BROX: variants seen among roughly 807,000 people sequenced by gnomAD.
BROX encodes BRO1 domain and CAAX motif containing.
BROX carries 53 observed loss-of-function variants against 61.0 expected under a neutral mutation model. The ratio of observed to expected loss-of-function variants is 0.87; its 90% CI spans 0.70 to 1.09. The LOEUF is 1.09. BROX is among the 50% of genes least tolerant of loss of function. BROX has a pLI of 0.00. For synonymous variants in BROX, 152 were observed against 160.2 expected, an observed-to-expected ratio of 0.95 and a Z score of 0.38; for missense variants, 489 against 472.0, an observed-to-expected ratio of 1.04 and a Z score of -0.33.
chr1:222,729,554 C>G, intron 9 of BROX, 66 bp from the exon 10 acceptor site: 2 of 1,250,386 alleles, frequency 1.6e-6, no homozygotes, highest in East Asian at 2.4e-5. Flanking sequence ...CTGATAGATA[C>G]ATAAAACAAT....
At chr1:222,727,740 G>C (rs1657613001) in intron 8 of BROX, among the ~76,000 whole-genome samples, 1 of 152,130 alleles carries the variant, frequency 6.6e-6, no homozygotes, top group Non-Finnish European at 1.5e-5. Context: ...CTGCAGTTTA[G>C]GGAAGAAGAC....
At position 222,734,224 on chromosome 1, in the gene BROX, T is replaced by C. The variant is rs1322864611; in HGVS notation, c.*1510T>C. The C allele has an allele frequency of 1.3e-5, 2 of 152,210 alleles. No individual in the cohort carries two copies. Among genetic ancestry groups the C allele is most frequent in the Non-Finnish European group, 2.9e-5 (2 of 68,028 alleles). 9.4% of individuals were successfully genotyped at this position (152,210 alleles called of 1,614,324 possible). A position where few individuals can be genotyped will look rare whatever the true frequency, so the allele number is the denominator to read the frequency against. ...ATTATAAGTGACAGATTGACTCACT[T>C]AATATAAATAAGTAGCATACACTAA... On this transcript the variant is annotated 3_prime_UTR_variant, in exon 13 of 13. Coordinates refer to ENST00000340934, the MANE Select transcript of BROX (RefSeq NM_144695.4).
Position 222,712,665 on chromosome 1 carries a change from A to G in BROX, c.-294A>G, listed in dbSNP as rs938837239. ...TCTGGGAAAAAGACCATAGCTCAAAAGGAAGGCCGAGGGAGAAGTTAGAAA... is the reference window on the plus strand; with the variant it reads ...TCTGGGAAAAAGACCATAGCTCAAAGGGAAGGCCGAGGGAGAAGTTAGAAA... On this transcript the variant is annotated 5_prime_UTR_variant, in exon 1 of 13. Coordinates refer to ENST00000340934, the MANE Select transcript of BROX (RefSeq NM_144695.4). 5 of 1,298,394 alleles carry G rather than the reference A, an allele frequency of 3.9e-6. No homozygotes were observed. Among genetic ancestry groups the G allele is most frequent in the East Asian group, 1.0e-4 (2 of 19,418 alleles). 80.4% of individuals were successfully genotyped at this position (1,298,394 alleles called of 1,614,324 possible).
rs1317416536 is a variant in BROX at position 222,735,080 on chromosome 1, A to G, written c.*2366A>G. On this transcript the variant is annotated 3_prime_UTR_variant, in exon 13 of 13. Transcript: ENST00000340934. The stretch of plus-strand genomic sequence containing the variant: ...AGAGAGGTGTAACTGTTTGTTAACT[A>G]TTACATGGATTTCATACTAGGCAGT... 3 of 152,222 alleles carry G rather than the reference A, an allele frequency of 2.0e-5. No individual in the cohort carries two copies. Among genetic ancestry groups the G allele is most frequent in the African/African-American group, 4.8e-5 (2 of 41,460 alleles). The allele number at this position is 152,222 out of a possible 1,614,324, so 9.4% of individuals were successfully genotyped here.
rs778411296 is a variant in BROX, at chr1:222,731,432, T to G, written c.1065T>G (p.Pro355=). ...KANYGLVEPI[P]FEFPPTSVQW... ...ATTATGGTCTCGTAGAGCCTATACC[T>G]TTCGAATTTCCTCCTACAAGTGTTC... The change falls in exon 12 of 13, where the codon CCT becomes CCG. Residue 355 remains proline (P), a synonymous_variant. Coordinates refer to ENST00000340934, the MANE Select transcript of BROX (RefSeq NM_144695.4). 2.5e-6 allele frequency: 4 copies of G among 1,602,542 alleles called. No individual in the cohort carries two copies. The highest frequency in any genetic ancestry group is 3.4e-6 in the Non-Finnish European group (4 of 1,177,120).
At chr1:222,726,834 A>G (rs1657537460) in intron 7 of BROX, among the ~76,000 whole-genome samples, 1 of 152,178 alleles carries the variant, frequency 6.6e-6, no homozygotes, top group South Asian at 2.1e-4. Context: ...GCAGTAAGCC[A>G]TGATCAAGCC....
intron 5 of BROX, among the ~76,000 whole-genome samples, chr1:222,723,845 A>C (rs572500459): frequency 9.2e-5 from 14 of 152,230 alleles, no homozygotes; most frequent in African/African-American, 3.1e-4. Context: ...TACCCAGCTA[A>C]TTAGGGTTTT....
At chr1:222,714,206 C>A (rs1200729474) in intron 1 of BROX, among the ~76,000 whole-genome samples, 1 of 146,286 alleles carries the variant, frequency 6.8e-6, no homozygotes, top group Non-Finnish European at 1.5e-5. Flanking sequence ...ACAAGACATG[C>A]TGCTTTTTTT....
chr1:222,728,702 CAG>C, intron 8 of BROX, 39 bp from the exon 9 acceptor site: 2 of 1,348,502 alleles, frequency 1.5e-6, no homozygotes, highest in Non-Finnish European at 2.1e-6. Context: ...TCTAGTGAAT[CAG>C]GGCGAAATTA....
Position 222,715,751 on chromosome 1 carries a change from T to C in BROX, c.52T>C (p.Phe18Leu). 1 of 1,598,114 alleles carries C rather than the reference T, an allele frequency of 6.3e-7. No homozygotes were observed. Among genetic ancestry groups the C allele is most frequent in the Non-Finnish European group, 8.5e-7 (1 of 1,171,002 alleles). ...NPLKATAPVS[F>L]NYYGVVTGPS... Reference sequence around the variant, plus strand: ...ATTAAAAGCCACAGCTCCTGTGTCTTTTAATTACTATGGTGTAGTCACTGG... The same window carrying C: ...ATTAAAAGCCACAGCTCCTGTGTCTCTTAATTACTATGGTGTAGTCACTGG... Residue 18 changes from phenylalanine to leucine, a missense_variant, in exon 2 of 13, where the codon TTT (phenylalanine) becomes CTT (leucine). Transcript: ENST00000340934.
intron 6 of BROX, among the ~76,000 whole-genome samples, chr1:222,724,914 C>T (rs1657391005): frequency 6.6e-6 from 1 of 152,112 alleles, no homozygotes. Flanking sequence ...CTGCCTCAGC[C>T]TCCCGAGTAG....
At position 222,712,926 on chromosome 1, in the gene BROX, C is replaced by G. The variant is rs745381030; in HGVS notation, c.-33C>G. 1 of 1,194,176 alleles carries G rather than the reference C, an allele frequency of 8.4e-7. No homozygotes were observed. Among genetic ancestry groups the G allele is most frequent in the Non-Finnish European group, 1.1e-6 (1 of 939,656 alleles). The allele number at this position is 1,194,176 out of a possible 1,614,324, so 74.0% of individuals were successfully genotyped here. A position where few individuals can be genotyped will look rare whatever the true frequency, so the allele number is the denominator to read the frequency against. ...TCTTCCCTTAGAAGAACTGCTGAAC[C>G]GACTCTGAGAAATTTGGTAAGTATG... On this transcript the variant is annotated 5_prime_UTR_variant, in exon 1 of 13. Transcript: ENST00000340934.
intron 8 of BROX, among the ~76,000 whole-genome samples, chr1:222,728,365 G>A (rs1657668429): frequency 6.6e-6 from 1 of 152,074 alleles, no homozygotes; most frequent in African/African-American, 2.4e-5. Context: ...AGAGAGGAGA[G>A]TATCCTATTT....
At position 222,734,097 on chromosome 1, in the gene BROX, TTAG is replaced by T. The variant is rs1167940540; in HGVS notation, c.*1386_*1388del. 1 of 152,218 alleles carries T rather than the reference TTAG, an allele frequency of 6.6e-6. No individual in the cohort carries two copies. Among genetic ancestry groups the T allele is most frequent in the African/African-American group, 2.4e-5 (1 of 41,468 alleles). The allele number at this position is 152,218 out of a possible 1,614,324, so 9.4% of individuals were successfully genotyped here. Reference sequence around the variant, plus strand: ...GATTGTAACATTTTAAACAATTAGTTTAGTAATTTGGGAAATAGTGGATGCATA... The same window carrying T: ...GATTGTAACATTTTAAACAATTAGTTTAATTTGGGAAATAGTGGATGCATA... On this transcript the variant is annotated 3_prime_UTR_variant, in exon 13 of 13. Coordinates refer to ENST00000340934, the MANE Select transcript of BROX (RefSeq NM_144695.4).
At position 222,732,759 on chromosome 1, in the gene BROX, A is replaced by G; in HGVS notation, c.*45A>G. 1 of 1,425,626 alleles carries G rather than the reference A, an allele frequency of 7.0e-7. No individual in the cohort carries two copies. Among genetic ancestry groups the G allele is most frequent in the South Asian group, 1.2e-5 (1 of 83,168 alleles). The allele number at this position is 1,425,626 out of a possible 1,614,324, so 88.3% of individuals were successfully genotyped here. A position where few individuals can be genotyped will look rare whatever the true frequency, so the allele number is the denominator to read the frequency against. On this transcript the variant is annotated 3_prime_UTR_variant, in exon 13 of 13. Coordinates refer to ENST00000340934, the MANE Select transcript of BROX (RefSeq NM_144695.4). ...ATTTCTCTAGCAGTAAATAAGATAA[A>G]CCACAGAATTTCAGTTCTTATTTCT...
intron 6 of BROX, 104 bp downstream of exon 6, chr1:222,724,268 A>C: frequency 1.1e-6 from 1 of 906,604 alleles, no homozygotes; most frequent in South Asian, 1.7e-5. Flanking sequence ...ATTATATTAA[A>C]AAAGGTACTA....
chr1:222,717,101 T>C (rs1656686721), intron 2 of BROX, among the ~76,000 whole-genome samples: 1 of 152,214 alleles, frequency 6.6e-6, no homozygotes, highest in Admixed American at 6.5e-5. Flanking sequence ...CATCAAACTT[T>C]TTAAAAGCTA....
At position 222,712,564 on chromosome 1, in the gene BROX, A is replaced by T; in HGVS notation, c.-395A>T. The T allele has an allele frequency of 1.5e-6, 2 of 1,377,574 alleles. No homozygotes were observed. The highest frequency in any genetic ancestry group is 3.0e-5 in the South Asian group (2 of 66,382). 85.3% of individuals were successfully genotyped at this position (1,377,574 alleles called of 1,614,324 possible). A position where few individuals can be genotyped will look rare whatever the true frequency, so the allele number is the denominator to read the frequency against. ...CCCCGGGTTAGGTTGAGGCCGCCCC[A>T]CTGCGCCGAGGGCCGCCATCGCTAT... On this transcript the variant is annotated 5_prime_UTR_variant, in exon 1 of 13. Transcript: ENST00000340934.
rs980799958 is a variant in BROX, at chr1:222,723,433, G to C, written c.402-659G>C. On this transcript the variant is annotated intron_variant, in intron 5 of 12. Coordinates refer to ENST00000340934, the MANE Select transcript of BROX (RefSeq NM_144695.4). ...TGGGATTACAGGCATGATCCACCATGCCTGGCTGCAGATTTTACACCTAGT... is the reference window on the plus strand; with the variant it reads ...TGGGATTACAGGCATGATCCACCATCCCTGGCTGCAGATTTTACACCTAGT... Among the ~76,000 whole-genome samples the C allele has an allele frequency of 3.3e-5, 5 of 152,058 alleles. No homozygotes were observed. In the South Asian group the frequency reaches 1.0e-3, roughly 31 times the overall value.
Sources: allele counts gnomAD v4.1 joint callset (sites outside exome capture counted in the v4.1 genomes callset), GRCh38; gene constraint gnomAD v4.1.1; transcripts MANE v1.5; gene names NCBI Gene and HGNC (gene_info 2026-07-23, HGNC 2026-07-21).